MINDY3: variants seen among roughly 807,000 people sequenced by gnomAD.
MINDY3 encodes the protein MINDY lysine 48 deubiquitinase 3, also known as ubiquitin carboxyl-terminal hydrolase MINDY-3.
Under a neutral mutation model 69.2 loss-of-function variants are expected in MINDY3, and 38 were observed. That is an observed-to-expected ratio of 0.55 (90% CI 0.42 to 0.72). The LOEUF is 0.72. MINDY3 is among the 30% of genes least tolerant of loss of function. The pLI is 0.00. For missense variants in MINDY3, 522 were observed against 519.0 expected (o/e 1.01, Z -0.06); for synonymous variants, 192 against 180.1 (o/e 1.07, Z -0.53).
At chr10:15,858,694 C>T (rs1834866992) in intron 1 of MINDY3, among the ~76,000 whole-genome samples, 1 of 152,214 alleles carries the variant, frequency 6.6e-6, no homozygotes, top group Admixed American at 6.5e-5. Context: ...AACTGCCACC[C>T]TGAATCTTCC....
intron 1 of MINDY3, among the ~76,000 whole-genome samples, chr10:15,849,262 A>G (rs1029608498): frequency 6.6e-6 from 1 of 152,196 alleles, no homozygotes; most frequent in Non-Finnish European, 1.5e-5. Context: ...AGGTTTTCCA[A>G]GAGGACAGAA....
intron 10 of MINDY3, among the ~76,000 whole-genome samples, chr10:15,815,868 C>T (rs1302414669): frequency 2.0e-5 from 3 of 152,106 alleles, no homozygotes; most frequent in Non-Finnish European, 2.9e-5. Flanking sequence ...AAACCAAAGT[C>T]GTCTGAGGCC....
intron 11 of MINDY3, 101 bp downstream of exon 11, chr10:15,795,999 T>C: frequency 2.2e-6 from 2 of 905,320 alleles, no homozygotes; most frequent in Non-Finnish European, 3.5e-6. Context: ...TTACATTTCA[T>C]TAAATAATCC....
At chr10:15,848,405 C>T (rs955794077) in intron 1 of MINDY3, among the ~76,000 whole-genome samples, 7 of 152,066 alleles carry the variant, frequency 4.6e-5, no homozygotes, top group African/African-American at 1.4e-4. Flanking sequence ...GAGGCAGAGG[C>T]GGGCGGATCA....
At chr10:15,847,053 A>G (rs1243581544) in intron 2 of MINDY3, among the ~76,000 whole-genome samples, 1 of 152,132 alleles carries the variant, frequency 6.6e-6, no homozygotes, top group African/African-American at 2.4e-5. Flanking sequence ...AATGAATAAT[A>G]AATGCCACAT....
At chr10:15,783,618 G>A (rs1281926645) in intron 13 of MINDY3, among the ~76,000 whole-genome samples, 2 of 152,056 alleles carry the variant, frequency 1.3e-5, no homozygotes, top group African/African-American at 4.8e-5. Context: ...AATTTGAGAA[G>A]GAATCATATA....
chr10:15,793,379 T>C (rs1384211153), intron 11 of MINDY3, among the ~76,000 whole-genome samples: 1 of 152,242 alleles, frequency 6.6e-6, no homozygotes, highest in Non-Finnish European at 1.5e-5. Context: ...TTTGTTACTA[T>C]TCAAATGAGA....
chr10:15,802,049 T>C (rs1012257217), intron 10 of MINDY3, among the ~76,000 whole-genome samples: 1 of 151,446 alleles, frequency 6.6e-6, no homozygotes, highest in Admixed American at 6.6e-5. Context: ...GCTTACGAGA[T>C]TACAGTATAT....
chr10:15,820,185 T>A (rs939494598), intron 9 of MINDY3, among the ~76,000 whole-genome samples: 3 of 152,152 alleles, frequency 2.0e-5, no homozygotes, highest in Admixed American at 6.5e-5. Flanking sequence ...TGAGGTACGA[T>A]CTGCAGTCCA....
rs185962835 is a variant in MINDY3 at position 15,782,006 on chromosome 10, G to C, written c.1188+149C>G. Reference sequence around the variant, plus strand: ...CTAACATATACTGGTCAAATCCAAAGATGGCTGATTCTAAAATGTGTCCTC... The same window carrying C: ...CTAACATATACTGGTCAAATCCAAACATGGCTGATTCTAAAATGTGTCCTC... On this transcript the variant is annotated intron_variant, in intron 14 of 14. Coordinates refer to ENST00000277632, the MANE Select transcript of MINDY3 (RefSeq NM_024948.4). 1.3e-5 allele frequency: 9 copies of C among 678,294 alleles called. No individual in the cohort carries two copies. The East Asian group carries it at 2.5e-4, about 19-fold the overall frequency. The allele number at this position is 678,294 out of a possible 1,614,324, so 42.0% of individuals were successfully genotyped here.
At chr10:15,782,478 T>A (rs927254798) in intron 13 of MINDY3, 4 of 280,230 alleles carry the variant, frequency 1.4e-5, no homozygotes, top group African/African-American at 9.7e-5. Flanking sequence ...AACTAACTTA[T>A]TTTTTTTTTA....
chr10:15,845,973 C>T (rs907295686), intron 2 of MINDY3, among the ~76,000 whole-genome samples: 1 of 151,736 alleles, frequency 6.6e-6, no homozygotes, highest in Non-Finnish European at 1.5e-5. Flanking sequence ...CAGGCGCCTG[C>T]CACTACACCC....
intron 1 of MINDY3, among the ~76,000 whole-genome samples, chr10:15,851,678 T>C (rs115546808): frequency 0.021 from 3,149 of 152,130 alleles, 85 homozygotes; most frequent in African/African-American, 0.068. Flanking sequence ...TAAATACTGT[T>C]GAGTTTCCAA....
chr10:15,860,182 A>C, intron 1 of MINDY3, 24 bp downstream of exon 1: 1 of 1,567,888 alleles, frequency 6.4e-7, no homozygotes, highest in Non-Finnish European at 8.7e-7. Flanking sequence ...AGCGGCTGCA[A>C]GTGTGAGAGC....
At chr10:15,838,623 AT>A (rs1833250816) in intron 4 of MINDY3, among the ~76,000 whole-genome samples, 1 of 151,736 alleles carries the variant, frequency 6.6e-6, no homozygotes, top group Non-Finnish European at 1.5e-5. Context: ...TTCAGATTAT[AT>A]AAATCCAAGT....
chr10:15,809,694 T>C (rs1450389242), intron 10 of MINDY3, among the ~76,000 whole-genome samples: 2 of 152,140 alleles, frequency 1.3e-5, no homozygotes, highest in Non-Finnish European at 2.9e-5. Context: ...GCAGTTCCTA[T>C]AAGGTTCCTG....
intron 8 of MINDY3, among the ~76,000 whole-genome samples, chr10:15,830,664 C>G (rs1024046495): frequency 2.0e-5 from 3 of 152,220 alleles, no homozygotes; most frequent in African/African-American, 7.2e-5. Flanking sequence ...CCAAAGATTT[C>G]TGTCCGTGGT....
intron 8 of MINDY3, among the ~76,000 whole-genome samples, chr10:15,822,866 G>A (rs540504620): frequency 1.1e-3 from 162 of 152,200 alleles, no homozygotes; most frequent in African/African-American, 3.8e-3. Context: ...TTTCATAAAC[G>A]ATACCCTTCA....
intron 10 of MINDY3, among the ~76,000 whole-genome samples, chr10:15,797,940 T>A (rs1210168655): frequency 6.6e-6 from 1 of 152,180 alleles, no homozygotes; most frequent in Non-Finnish European, 1.5e-5. Flanking sequence ...TCCGTTAGAC[T>A]GTTGAAATTT....
Sources: allele counts gnomAD v4.1 joint callset (sites outside exome capture counted in the v4.1 genomes callset), GRCh38; gene constraint gnomAD v4.1.1; transcripts MANE v1.5; gene names NCBI Gene and HGNC (gene_info 2026-07-23, HGNC 2026-07-21).